Variants in INTS7 observed in about 807,000 individuals in gnomAD.
The protein encoded by INTS7 is chromosome 1 open reading frame 73.
In INTS7, 46 loss-of-function variants were observed where a neutral mutation model predicts 109.2. That is an observed-to-expected ratio of 0.42 (90% CI 0.33 to 0.54). The LOEUF (loss-of-function observed/expected upper bound fraction) is 0.54. Among genes scored for constraint, INTS7 ranks in the 20% least tolerant of loss-of-function variants. The pLI, the probability that INTS7 is intolerant of heterozygous loss-of-function variation, is 0.07. For synonymous variants in INTS7, 412 were observed against 402.9 expected (o/e 1.02, Z -0.27); for missense variants, 929 against 1,132.4 (o/e 0.82, Z 2.58).
Position 212,007,550 on chromosome 1 carries a change from A to G in INTS7, c.557-101T>C, listed in dbSNP as rs1665984279. The G allele has an allele frequency of 1.5e-5, 11 of 734,224 alleles. No individual in the cohort carries two copies. In the East Asian group the frequency reaches 2.7e-4, roughly 18 times the overall value. The allele number at this position is 734,224 out of a possible 1,614,324, so 45.5% of individuals were successfully genotyped here. ...CATTTAGCAAAATTGCACTTGAAAAACACAGTATACTAATATATTTATAAC... is the reference window on the plus strand; with the variant it reads ...CATTTAGCAAAATTGCACTTGAAAAGCACAGTATACTAATATATTTATAAC... On this transcript the variant is annotated intron_variant, in intron 5 of 19. Transcript: ENST00000366994.
At chr1:211,979,143 T>G (rs1030137186) in intron 10 of INTS7, among the ~76,000 whole-genome samples, 7 of 152,224 alleles carry the variant, frequency 4.6e-5, no homozygotes, top group African/African-American at 1.7e-4. Flanking sequence ...CCTAGAAATA[T>G]TCCCACTTTT....
chr1:212,015,469 G>A (rs1361920318), intron 4 of INTS7, among the ~76,000 whole-genome samples: 1 of 151,796 alleles, frequency 6.6e-6, no homozygotes. Flanking sequence ...GATTAAGGGC[G>A]GTGCAAGATG....
chr1:211,983,199 T>A (rs1325415111), intron 8 of INTS7, among the ~76,000 whole-genome samples: 1 of 151,908 alleles, frequency 6.6e-6, no homozygotes, highest in Non-Finnish European at 1.5e-5. Flanking sequence ...GAGAAAAAAA[T>A]TTAAATTTGC....
intron 4 of INTS7, among the ~76,000 whole-genome samples, chr1:212,014,465 CAAAAA>C (rs1165612101): frequency 0.013 from 373 of 28,068 alleles, 2 homozygotes; most frequent in African/African-American, 0.048. Context: ...AACTCCATCT[CAAAAA>C]AAAAAAAAAA....
At chr1:212,018,545 A>G (rs901651730) in intron 3 of INTS7, among the ~76,000 whole-genome samples, 2 of 151,208 alleles carry the variant, frequency 1.3e-5, no homozygotes, top group Admixed American at 1.3e-4. Context: ...TTCAAACATT[A>G]CCAAAAAAAG....
chr1:212,020,972 A>C (rs928696958), intron 2 of INTS7, 111 bp downstream of exon 2: 4 of 981,348 alleles, frequency 4.1e-6, no homozygotes, highest in Non-Finnish European at 6.0e-6. Flanking sequence ...GTGTCCACTA[A>C]TGGTAACTAA....
intron 13 of INTS7, among the ~76,000 whole-genome samples, chr1:211,974,274 AAAATATATAT>A (rs1193302618): frequency 5.0e-5 from 4 of 79,560 alleles, no homozygotes; most frequent in African/African-American, 2.1e-4. Flanking sequence ...CCAGAAAAAA[AAAATATATAT>A]ATATATATAT....
At position 211,975,226 on chromosome 1, in the gene INTS7, T is replaced by C; in HGVS notation, c.1755A>G (p.Ser585=). The C allele has an allele frequency of 1.2e-6, 2 of 1,614,046 alleles. No homozygotes were observed. Among genetic ancestry groups the C allele is most frequent in the Non-Finnish European group, 1.7e-6 (2 of 1,179,890 alleles). ...AAGATTCAGCAATGCAAGAAAGTGC[T>C]GAACTATAATTTTCCTCTTGCAACC... ...LTGLQEENYS[S]ALSCIAESLK... Residue 585 remains serine (S), a synonymous_variant, in exon 13 of 20, where the codon TCA becomes TCG. Transcript: ENST00000366994.
At chr1:212,033,152 G>T (rs1041643554) in intron 1 of INTS7, among the ~76,000 whole-genome samples, 7 of 152,160 alleles carry the variant, frequency 4.6e-5, no homozygotes, top group Admixed American at 4.6e-4. Context: ...TGCTGAGGTG[G>T]GGGAGATATT....
At chr1:212,021,278 T>C in intron 1 of INTS7, 66 bp from the exon 2 acceptor site, 3 of 1,371,362 alleles carry the variant, frequency 2.2e-6, no homozygotes, top group South Asian at 1.3e-5. Context: ...AAAGCAAAAA[T>C]AGCAAATATA....
intron 16 of INTS7, among the ~76,000 whole-genome samples, chr1:211,953,646 C>T (rs1008725777): frequency 4.0e-5 from 6 of 148,600 alleles, no homozygotes; most frequent in Admixed American, 1.3e-4. Flanking sequence ...TGAGAACATG[C>T]GGTGTTTGGT....
chr1:212,012,310 T>G (rs898251623), intron 4 of INTS7, among the ~76,000 whole-genome samples: 9 of 151,898 alleles, frequency 5.9e-5, no homozygotes, highest in Non-Finnish European at 8.8e-5. Context: ...ATTCTAAAGG[T>G]CTTATTTGGC....
intron 1 of INTS7, among the ~76,000 whole-genome samples, chr1:212,024,996 T>C (rs962121720): frequency 2.0e-5 from 3 of 152,232 alleles, no homozygotes; most frequent in Admixed American, 1.3e-4. Context: ...TTTACTAATT[T>C]GACTCTAAAT....
chr1:212,029,301 T>A (rs976481055), intron 1 of INTS7, among the ~76,000 whole-genome samples: 6 of 152,244 alleles, frequency 3.9e-5, no homozygotes, highest in Non-Finnish European at 7.3e-5. Flanking sequence ...ACCAACTGGA[T>A]GGAAGAACCC....
chr1:212,000,214 C>T (rs1454294603), intron 7 of INTS7, among the ~76,000 whole-genome samples: 1 of 152,136 alleles, frequency 6.6e-6, no homozygotes, highest in East Asian at 1.9e-4. Context: ...TATAAAGACT[C>T]TTTATGCTGA....
chr1:212,001,694 T>C (rs924477511), intron 7 of INTS7, among the ~76,000 whole-genome samples: 3 of 152,226 alleles, frequency 2.0e-5, no homozygotes, highest in Non-Finnish European at 4.4e-5. Context: ...AGGTTATCAA[T>C]GACTTCATAT....
chr1:211,941,570 A>G lies in INTS7; in HGVS notation c.*254T>C. ...GAGACGGGGTTTCACTGTGTTAGCC[A>G]GGATGGTCTTGATCTCCTCGTGAGC... On this transcript the variant is annotated 3_prime_UTR_variant, in exon 20 of 20. Coordinates refer to ENST00000366994, the MANE Select transcript of INTS7 (RefSeq NM_015434.4). The G allele has an allele frequency of 2.2e-6, 1 of 462,686 alleles. No homozygotes were observed. Among genetic ancestry groups the G allele is most frequent in the South Asian group, 2.7e-5 (1 of 36,512 alleles). 28.7% of individuals were successfully genotyped at this position (462,686 alleles called of 1,614,324 possible).
intron 7 of INTS7, among the ~76,000 whole-genome samples, chr1:211,998,649 T>C (rs1169373209): frequency 1.3e-5 from 2 of 150,412 alleles, no homozygotes; most frequent in African/African-American, 4.9e-5. Context: ...TTAGATAAAA[T>C]ACAACCTATA....
chr1:211,957,767 T>G (rs1663436074), intron 16 of INTS7, among the ~76,000 whole-genome samples: 1 of 152,172 alleles, frequency 6.6e-6, no homozygotes, highest in African/African-American at 2.4e-5. Flanking sequence ...TCCTAAGAAA[T>G]CATGACCAAT....
Sources: allele counts gnomAD v4.1 joint callset (sites outside exome capture counted in the v4.1 genomes callset), GRCh38; gene constraint gnomAD v4.1.1; transcripts MANE v1.5; gene names NCBI Gene and HGNC (gene_info 2026-07-23, HGNC 2026-07-21).